The following FBXL7 variants were observed in gnomAD, a reference collection of about 807,000 sequenced individuals.
FBXL7 encodes the protein F-box/LRR-repeat protein 7.
FBXL7 carries 12 observed loss-of-function variants against 38.3 expected under a neutral mutation model. That is an observed-to-expected ratio of 0.31 (90% CI 0.20 to 0.51). The LOEUF (loss-of-function observed/expected upper bound fraction) is 0.51. Ranked by LOEUF, FBXL7 falls within the 20% of genes least tolerant of loss-of-function variation. The pLI is 0.98. For synonymous variants in FBXL7, 297 were observed against 300.9 expected, an observed-to-expected ratio of 0.99 and a Z score of 0.13; for missense variants, 567 against 676.4, an observed-to-expected ratio of 0.84 and a Z score of 1.79.
At chr5:15,694,348 G>A (rs745593777) in intron 2 of FBXL7, among the ~76,000 whole-genome samples, 1 of 152,162 alleles carries the variant, frequency 6.6e-6, no homozygotes, top group East Asian at 1.9e-4. Flanking sequence ...AAGCAGGTGG[G>A]GCAGTTAACA....
chr5:15,892,302 G>A (rs571157920), intron 2 of FBXL7, among the ~76,000 whole-genome samples: 18 of 152,346 alleles, frequency 1.2e-4, no homozygotes, highest in South Asian at 6.2e-4. Flanking sequence ...GTTGACACAC[G>A]GTAGGGGCAG....
chr5:15,906,306 T>C (rs1038913467), intron 2 of FBXL7, among the ~76,000 whole-genome samples: 1 of 152,074 alleles, frequency 6.6e-6, no homozygotes, highest in African/African-American at 2.4e-5. Context: ...CCTATAAATA[T>C]AAACTTCTAA....
intron 2 of FBXL7, among the ~76,000 whole-genome samples, chr5:15,892,924 T>C (rs1020112305): frequency 4.6e-5 from 7 of 152,142 alleles, no homozygotes; most frequent in African/African-American, 1.7e-4. Flanking sequence ...GAGACCATCC[T>C]GGCTAACAGG....
At chr5:15,679,980 T>C (rs1742792277) in intron 2 of FBXL7, among the ~76,000 whole-genome samples, 1 of 152,208 alleles carries the variant, frequency 6.6e-6, no homozygotes, top group Non-Finnish European at 1.5e-5. Flanking sequence ...TCTCTCTAAA[T>C]GGTTGCTGGA....
chr5:15,515,430 A>G (rs765764724), intron 1 of FBXL7, among the ~76,000 whole-genome samples: 8 of 152,188 alleles, frequency 5.3e-5, no homozygotes, highest in African/African-American at 1.9e-4. Flanking sequence ...TGCTGCTGCT[A>G]TAACTCAGAA....
At chr5:15,814,356 T>A (rs1243975074) in intron 2 of FBXL7, among the ~76,000 whole-genome samples, 2 of 152,076 alleles carry the variant, frequency 1.3e-5, no homozygotes, top group African/African-American at 4.8e-5. Flanking sequence ...ATGTTCTCAC[T>A]CTTAAGTAGG....
chr5:15,837,295 T>A (rs1452814813), intron 2 of FBXL7, among the ~76,000 whole-genome samples: 2 of 152,220 alleles, frequency 1.3e-5, no homozygotes, highest in Admixed American at 6.5e-5. Flanking sequence ...TAATTGATCT[T>A]TAACTGCATA....
intron 2 of FBXL7, among the ~76,000 whole-genome samples, chr5:15,736,681 T>G (rs567702596): frequency 1.3e-5 from 2 of 152,214 alleles, no homozygotes; most frequent in Non-Finnish European, 2.9e-5. Flanking sequence ...ATTCTACCAG[T>G]CAGGGTCTGG....
intron 2 of FBXL7, among the ~76,000 whole-genome samples, chr5:15,926,066 A>T (rs189791293): frequency 6.6e-6 from 1 of 152,166 alleles, no homozygotes; most frequent in Non-Finnish European, 1.5e-5. Context: ...TGTTTGGCAG[A>T]TTAGATGTTT....
intron 2 of FBXL7, among the ~76,000 whole-genome samples, chr5:15,736,395 T>C (rs1735748494): frequency 6.6e-6 from 1 of 152,188 alleles, no homozygotes; most frequent in African/African-American, 2.4e-5. Context: ...ATAAATATAA[T>C]AAGTTGAATA....
At chr5:15,562,763 T>C (rs1199786622) in intron 1 of FBXL7, among the ~76,000 whole-genome samples, 1 of 152,098 alleles carries the variant, frequency 6.6e-6, no homozygotes, top group Non-Finnish European at 1.5e-5. Flanking sequence ...ATTTATTGCA[T>C]TCTTTCCATG....
intron 2 of FBXL7, among the ~76,000 whole-genome samples, chr5:15,617,460 T>C (rs1381259993): frequency 7.0e-6 from 1 of 142,082 alleles, no homozygotes; most frequent in East Asian, 2.0e-4. Context: ...TATTTATTTA[T>C]TTATTTATTT....
chr5:15,578,907 G>T (rs1194596810), intron 1 of FBXL7, among the ~76,000 whole-genome samples: 1 of 152,168 alleles, frequency 6.6e-6, no homozygotes, highest in Non-Finnish European at 1.5e-5. Flanking sequence ...ACATTTTGAT[G>T]AAAAATAAAT....
chr5:15,673,492 T>C (rs1409871844), intron 2 of FBXL7, among the ~76,000 whole-genome samples: 2 of 152,154 alleles, frequency 1.3e-5, no homozygotes, highest in African/African-American at 4.8e-5. Flanking sequence ...AAACTGATTG[T>C]AAACATTCAC....
chr5:15,584,414 C>G (rs1047208212), intron 1 of FBXL7, among the ~76,000 whole-genome samples: 2 of 152,220 alleles, frequency 1.3e-5, no homozygotes, highest in Admixed American at 6.5e-5. Context: ...CCATTTCTCT[C>G]AAGTTCAAAG....
intron 2 of FBXL7, among the ~76,000 whole-genome samples, chr5:15,691,738 G>T (rs1160011938): frequency 6.6e-6 from 1 of 152,128 alleles, no homozygotes; most frequent in African/African-American, 2.4e-5. Flanking sequence ...ACAGATGTTG[G>T]CCTGGCCTAA....
chr5:15,635,092 T>G (rs1224582303), intron 2 of FBXL7, among the ~76,000 whole-genome samples: 1 of 152,144 alleles, frequency 6.6e-6, no homozygotes, highest in Non-Finnish European at 1.5e-5. Flanking sequence ...TAGCAGCCAT[T>G]GGATTATATA....
chr5:15,631,108 C>G lies in FBXL7; in HGVS notation c.127+15036C>G, dbSNP rs141067613. Among the ~76,000 whole-genome samples, 642 of 152,178 alleles carry G rather than the reference C, an allele frequency of 4.2e-3. 5 individuals are homozygous for G. Among genetic ancestry groups the G allele is most frequent in the African/African-American group, 0.015 (614 of 41,542 alleles). ...TGGCAAAGTCTTCCTTAAATGAATT[C>G]AACACAATTCCTATTGAAATCCCAA... On this transcript the variant is annotated intron_variant, in intron 2 of 3. Coordinates refer to ENST00000504595, the MANE Select transcript of FBXL7 (RefSeq NM_012304.5).
chr5:15,538,815 G>C (rs1039540325), intron 1 of FBXL7, among the ~76,000 whole-genome samples: 20 of 152,310 alleles, frequency 1.3e-4, no homozygotes, highest in Admixed American at 1.3e-3. Context: ...CAGCCAAAAC[G>C]TGGGAGAAAT....
Sources: allele counts gnomAD v4.1 joint callset (sites outside exome capture counted in the v4.1 genomes callset), GRCh38; gene constraint gnomAD v4.1.1; transcripts MANE v1.5; gene names NCBI Gene and HGNC (gene_info 2026-07-23, HGNC 2026-07-21).